Variants in RHOBTB1 observed in about 807,000 individuals in gnomAD.
RHOBTB1 encodes the protein rho-related BTB domain-containing protein 1.
A neutral mutation model predicts 71.6 loss-of-function variants in RHOBTB1; 40 were observed. The ratio of observed to expected loss-of-function variants is 0.56; its 90% CI spans 0.43 to 0.73. The LOEUF is 0.73. RHOBTB1 is among the 30% of genes least tolerant of loss of function. The pLI, the probability that RHOBTB1 is intolerant of heterozygous loss-of-function variation, is 0.00. For missense variants in RHOBTB1, 797 were observed against 894.0 expected (o/e 0.89, Z 1.38); for synonymous variants, 319 against 334.9 (o/e 0.95, Z 0.52).
chr10:60,992,172 A>G (rs1403110850), intron 1 of RHOBTB1, among the ~76,000 whole-genome samples: 2 of 152,300 alleles, frequency 1.3e-5, no homozygotes, highest in Middle Eastern at 3.4e-3. Context: ...TCACAAGAGC[A>G]TTGAAAGCCT....
chr10:60,916,723 C>A lies in RHOBTB1; in HGVS notation c.-10-5171G>T, dbSNP rs79756968. ...ATAATAGCCTCCCTGAATACGTCCA[C>A]GGAATCCGCGGAACTTGTGAATATG... On this transcript the variant is annotated intron_variant, in intron 2 of 10. Coordinates refer to ENST00000337910, the MANE Select transcript of RHOBTB1 (RefSeq NM_014836.5). Among the ~76,000 whole-genome samples, 8 of 152,252 alleles carry A rather than the reference C, an allele frequency of 5.3e-5. No homozygotes were observed. The East Asian group carries it at 1.4e-3, about 26-fold the overall frequency.
rs139038569 is a variant in RHOBTB1, at chr10:60,978,730, T to C, written c.-62+7115A>G. On this transcript the variant is annotated intron_variant, in intron 2 of 11. Transcript: ENST00000357917. Reference sequence around the variant, plus strand: ...CTAAGCAACATAGAACATAGTTCCTTTCTTCTTCTACTTCTTCTTTTTCTT... The same window carrying C: ...CTAAGCAACATAGAACATAGTTCCTCTCTTCTTCTACTTCTTCTTTTTCTT... Among the ~76,000 whole-genome samples, 14 of 152,258 alleles carry C rather than the reference T, an allele frequency of 9.2e-5. No homozygotes were observed. In the East Asian group the frequency reaches 2.7e-3, roughly 29 times the overall value.
At chr10:60,922,199 A>C (rs2083604647) in intron 2 of RHOBTB1, among the ~76,000 whole-genome samples, 1 of 152,166 alleles carries the variant, frequency 6.6e-6, no homozygotes, top group Admixed American at 6.5e-5. Context: ...GCTGGAAAAG[A>C]AAGGAAAAAA....
At chr10:60,867,044 CTTA>C (rs1448586867), downstream of RHOBTB1, among the ~76,000 whole-genome samples, 3 of 152,128 alleles carry the variant, frequency 2.0e-5, no homozygotes, top group Non-Finnish European at 2.9e-5. Context: ...TCACTAAGCA[CTTA>C]TTATGTCCAA....
intron 2 of RHOBTB1, among the ~76,000 whole-genome samples, chr10:60,931,019 C>T (rs2084215607): frequency 6.6e-6 from 1 of 152,036 alleles, no homozygotes; most frequent in Non-Finnish European, 1.5e-5. Context: ...CCCTCTGCAA[C>T]AACAATACAT....
chr10:60,900,820 T>G (rs192100581), intron 4 of RHOBTB1, among the ~76,000 whole-genome samples: 25 of 152,324 alleles, frequency 1.6e-4, no homozygotes, highest in African/African-American at 5.5e-4. Context: ...GCTGAAAGAC[T>G]GCCATGTAAT....
In RHOBTB1 at chr10:60,911,420, CG is replaced by C; in HGVS notation, c.122del (p.Thr41SerfsTer36). ...ICARACNTTLTQYQLLATHVP... is the reference protein window; with the variant it reads ...ICARACNTTLXQYQLLATHVP... ...CGTGGGTGGCCAGCAGCTGATACTG[CG>C]TGAGTGTGGTGTTGCACGCCCTGGC... On this transcript the variant is annotated frameshift_variant, in exon 3 of 11. Transcript: ENST00000337910. LOFTEE classifies it high-confidence loss of function. 6.2e-7 allele frequency: 1 copy of C among 1,614,164 alleles called. No homozygotes were observed. Among genetic ancestry groups the C allele is most frequent in the Non-Finnish European group, 8.5e-7 (1 of 1,180,028 alleles).
chr10:60,867,493 C>T (rs1479855398), downstream of RHOBTB1, among the ~76,000 whole-genome samples: 1 of 152,198 alleles, frequency 6.6e-6, no homozygotes, highest in Non-Finnish European at 1.5e-5. Flanking sequence ...GCTGTGGAAA[C>T]TGAACGACAG....
At chr10:60,923,244 G>A (rs2083670521) in intron 2 of RHOBTB1, among the ~76,000 whole-genome samples, 1 of 152,070 alleles carries the variant, frequency 6.6e-6, no homozygotes, top group African/African-American at 2.4e-5. Flanking sequence ...ACAGAAAACA[G>A]GTGTTCCACT....
At chr10:60,987,176 C>G (rs1221384916) in intron 1 of RHOBTB1, among the ~76,000 whole-genome samples, 1 of 152,188 alleles carries the variant, frequency 6.6e-6, no homozygotes, top group Non-Finnish European at 1.5e-5. Context: ...TTGAAATCCA[C>G]ATCTTTTTCT....
At chr10:60,922,153 AG>A (rs953365796) in intron 2 of RHOBTB1, among the ~76,000 whole-genome samples, 12 of 152,346 alleles carry the variant, frequency 7.9e-5, no homozygotes, top group Admixed American at 3.3e-4. Flanking sequence ...TCCTAATTCA[AG>A]GGATTCTCAG....
intron 2 of RHOBTB1, among the ~76,000 whole-genome samples, chr10:60,977,402 C>T (rs1229746929): frequency 6.6e-6 from 1 of 151,656 alleles, no homozygotes; most frequent in African/African-American, 2.4e-5. Context: ...ATACAAGCAG[C>T]TAAGACAACA....
At chr10:60,995,009 T>C (rs751945044) in intron 1 of RHOBTB1, among the ~76,000 whole-genome samples, 6 of 151,790 alleles carry the variant, frequency 4.0e-5, no homozygotes, top group Non-Finnish European at 5.9e-5. Context: ...TGGAGTAACA[T>C]TGTACTCCAT....
chr10:60,863,956 C>T, the RHOBTB1 span, among the ~76,000 whole-genome samples: 1 of 152,208 alleles, frequency 6.6e-6, no homozygotes, highest in Admixed American at 6.5e-5. Context: ...AGCTGCTTTC[C>T]CTGCCTCCGG....
At chr10:60,981,037 C>T (rs144384027) in intron 2 of RHOBTB1, among the ~76,000 whole-genome samples, 19 of 152,214 alleles carry the variant, frequency 1.2e-4, no homozygotes, top group African/African-American at 4.1e-4. Context: ...TGGAAATCTG[C>T]CATTTCCTTA....
At chr10:60,893,444 G>A (rs555122227) in intron 4 of RHOBTB1, among the ~76,000 whole-genome samples, 1 of 152,274 alleles carries the variant, frequency 6.6e-6, no homozygotes, top group African/African-American at 2.4e-5. Flanking sequence ...AAACATTACT[G>A]AAAATGTAAC....
downstream of RHOBTB1, among the ~76,000 whole-genome samples, chr10:60,868,796 T>G (rs2080655746): frequency 6.6e-6 from 1 of 152,148 alleles, no homozygotes; most frequent in Non-Finnish European, 1.5e-5. Flanking sequence ...CCGGTATACT[T>G]TATGTAAAAG....
chr10:60,926,987 C>A (rs1384838200), intron 2 of RHOBTB1, among the ~76,000 whole-genome samples: 4 of 151,924 alleles, frequency 2.6e-5, no homozygotes, highest in African/African-American at 9.7e-5. Flanking sequence ...ACTAAAGATC[C>A]CACAAAAAAC....
At chr10:60,973,537 T>A (rs1361878931) in intron 2 of RHOBTB1, among the ~76,000 whole-genome samples, 1 of 151,970 alleles carries the variant, frequency 6.6e-6, no homozygotes, top group African/African-American at 2.4e-5. Flanking sequence ...ACATCAGAAC[T>A]AAATGAGGAG....
Sources: allele counts gnomAD v4.1 joint callset (sites outside exome capture counted in the v4.1 genomes callset), GRCh38; gene constraint gnomAD v4.1.1; transcripts MANE v1.5; gene names NCBI Gene and HGNC (gene_info 2026-07-23, HGNC 2026-07-21).